The following CCDC148 variants were observed in gnomAD, a reference collection of about 807,000 sequenced individuals.
CCDC148 encodes the protein coiled-coil domain-containing protein 148.
Under a neutral mutation model 85.7 loss-of-function variants are expected in CCDC148, and 89 were observed. The ratio of observed to expected loss-of-function variants is 1.04; its 90% confidence interval spans 0.87 to 1.24. The LOEUF (loss-of-function observed/expected upper bound fraction) is 1.24. Ranked by LOEUF, CCDC148 falls within the 50% of genes most tolerant of loss-of-function variation. The pLI is 0.00. For synonymous variants in CCDC148, 230 were observed against 213.9 expected, an observed-to-expected ratio of 1.08 and a Z score of -0.66; for missense variants, 692 against 671.7, an observed-to-expected ratio of 1.03 and a Z score of -0.33.
Position 158,406,017 on chromosome 2 carries a change from C to T in CCDC148, c.26-47447G>A, listed in dbSNP as rs1685982646. ...TGGAAGAGCAGACTGGCTGAAACATCTGCCTCCTTATTGATCGTCAGGGTG... is the reference window on the plus strand; with the variant it reads ...TGGAAGAGCAGACTGGCTGAAACATTTGCCTCCTTATTGATCGTCAGGGTG... On this transcript the variant is annotated intron_variant, in intron 1 of 13. Coordinates refer to ENST00000283233, the MANE Select transcript of CCDC148 (RefSeq NM_138803.4). 2.0e-5 allele frequency among the ~76,000 whole-genome samples: 3 copies of T among 152,248 alleles called. No individual in the cohort carries two copies. The South Asian group carries it at 6.2e-4, about 32-fold the overall frequency.
intron 10 of CCDC148, among the ~76,000 whole-genome samples, chr2:158,224,898 A>G (rs181485195): frequency 0.075 from 11,420 of 152,086 alleles, 585 homozygotes; most frequent in Non-Finnish European, 0.12. Flanking sequence ...GCATCAACTA[A>G]CGAGCAAACT....
At chr2:158,185,324 A>T (rs1685103392) in intron 11 of CCDC148, among the ~76,000 whole-genome samples, 1 of 152,122 alleles carries the variant, frequency 6.6e-6, no homozygotes, top group Non-Finnish European at 1.5e-5. Flanking sequence ...TATCCTGATG[A>T]CAGCTGAAAA....
chr2:158,433,302 A>T, intron 1 of CCDC148, among the ~76,000 whole-genome samples: 1 of 125,830 alleles, frequency 7.9e-6, no homozygotes, highest in African/African-American at 2.6e-5. Flanking sequence ...AATAAAAGAA[A>T]AACAATACAG....
At chr2:158,310,322 C>T (rs1372052470) in intron 8 of CCDC148, among the ~76,000 whole-genome samples, 2 of 152,360 alleles carry the variant, frequency 1.3e-5, no homozygotes, top group East Asian at 1.9e-4. Context: ...ATGTCTACTT[C>T]TTTCTACACA....
intron 10 of CCDC148, among the ~76,000 whole-genome samples, chr2:158,247,347 T>C (rs376032032): frequency 6.6e-6 from 1 of 152,270 alleles, no homozygotes; most frequent in East Asian, 1.9e-4. Context: ...TAGTATCTTA[T>C]AAACCACCCC....
At chr2:158,364,901 G>C (rs2105273799) in intron 1 of CCDC148, among the ~76,000 whole-genome samples, 1 of 152,248 alleles carries the variant, frequency 6.6e-6, no homozygotes, top group East Asian at 1.9e-4. Flanking sequence ...AAAAAATTTT[G>C]CAATTTATCC....
At chr2:158,372,149 T>C (rs1684469580) in intron 1 of CCDC148, among the ~76,000 whole-genome samples, 1 of 152,010 alleles carries the variant, frequency 6.6e-6, no homozygotes. Flanking sequence ...ACTCCCTCTA[T>C]ATCCTCCAAA....
intron 10 of CCDC148, among the ~76,000 whole-genome samples, chr2:158,233,981 T>C (rs1687977941): frequency 6.6e-6 from 1 of 151,936 alleles, no homozygotes; most frequent in Non-Finnish European, 1.5e-5. Flanking sequence ...ACAGAGACCA[T>C]CCTGGCCAAC....
chr2:158,228,873 T>C (rs1687703100), intron 10 of CCDC148, among the ~76,000 whole-genome samples: 1 of 150,288 alleles, frequency 6.7e-6, no homozygotes, highest in Admixed American at 6.7e-5. Context: ...GATGAGTTAC[T>C]GGGTGCAGCA....
chr2:158,368,084 T>G (rs1684277267), intron 1 of CCDC148, among the ~76,000 whole-genome samples: 1 of 152,128 alleles, frequency 6.6e-6, no homozygotes, highest in Non-Finnish European at 1.5e-5. Flanking sequence ...TATTTCATAA[T>G]TAATACACTG....
intron 1 of CCDC148, among the ~76,000 whole-genome samples, chr2:158,433,074 C>CAAAAAAAAAA (rs755383954): frequency 1.4e-4 from 10 of 74,020 alleles, no homozygotes; most frequent in African/African-American, 2.0e-4. Flanking sequence ...CTCATCTCTA[C>CAAAAAAAAAA]AAAAAAAAAA....
At chr2:158,364,022 A>G (rs1217603515) in intron 1 of CCDC148, among the ~76,000 whole-genome samples, 1 of 142,982 alleles carries the variant, frequency 7.0e-6, no homozygotes, top group Non-Finnish European at 1.5e-5. Context: ...CACCAATAAT[A>G]GACAGAGAGC....
chr2:158,247,725 G>A (rs1028066971), intron 10 of CCDC148, among the ~76,000 whole-genome samples: 5 of 151,852 alleles, frequency 3.3e-5, no homozygotes, highest in African/African-American at 7.2e-5. Flanking sequence ...GTATAGTGGC[G>A]GGCACCTGTA....
chr2:158,363,467 T>A (rs1323362963), intron 1 of CCDC148, among the ~76,000 whole-genome samples: 1 of 151,852 alleles, frequency 6.6e-6, no homozygotes, highest in African/African-American at 2.4e-5. Context: ...TTATCCACCA[T>A]GATCAAGTCG....
intron 1 of CCDC148, among the ~76,000 whole-genome samples, chr2:158,425,892 A>T (rs1687054438): frequency 6.6e-6 from 1 of 152,198 alleles, no homozygotes; most frequent in African/African-American, 2.4e-5. Flanking sequence ...GCTTTCTAGT[A>T]GACCATGTGT....
At chr2:158,259,154 C>A (rs543485367) in intron 9 of CCDC148, among the ~76,000 whole-genome samples, 2 of 151,830 alleles carry the variant, frequency 1.3e-5, no homozygotes, top group African/African-American at 4.8e-5. Context: ...AATATTTATT[C>A]AATCCCAAAT....
At chr2:158,354,326 G>A (rs904165950) in intron 2 of CCDC148, among the ~76,000 whole-genome samples, 20 of 151,958 alleles carry the variant, frequency 1.3e-4, no homozygotes, top group African/African-American at 3.9e-4. Flanking sequence ...TTGATAGACC[G>A]CTAGCAAGAC....
At chr2:158,323,311 G>GA (rs546465552) in intron 7 of CCDC148, among the ~76,000 whole-genome samples, 1 of 152,034 alleles carries the variant, frequency 6.6e-6, no homozygotes, top group South Asian at 2.1e-4. Flanking sequence ...GACTTCATAT[G>GA]AAAAAAGAGA....
intron 9 of CCDC148, among the ~76,000 whole-genome samples, chr2:158,274,845 C>A (rs1187759673): frequency 6.6e-6 from 1 of 152,216 alleles, no homozygotes; most frequent in East Asian, 1.9e-4. Flanking sequence ...GAGAATACTA[C>A]TATAGTCCAA....
Sources: allele counts gnomAD v4.1 joint callset (sites outside exome capture counted in the v4.1 genomes callset), GRCh38; gene constraint gnomAD v4.1.1; transcripts MANE v1.5; gene names NCBI Gene and HGNC (gene_info 2026-07-23, HGNC 2026-07-21).